PRKCZ: variants seen among roughly 807,000 people sequenced by gnomAD.
The protein encoded by PRKCZ is protein kinase C zeta, also known as protein kinase C zeta type.
Under a neutral mutation model 79.5 loss-of-function variants are expected in PRKCZ, and 33 were observed. The ratio of observed to expected loss-of-function variants is 0.41; its 90% confidence interval spans 0.31 to 0.55. The LOEUF (loss-of-function observed/expected upper bound fraction) is 0.55, where lower values mean the gene tolerates loss of function less well. Ranked by LOEUF, PRKCZ falls within the 20% of genes least tolerant of loss-of-function variation. The pLI, the probability that PRKCZ is intolerant of heterozygous loss-of-function variation, is 0.19. For synonymous variants in PRKCZ, 342 were observed against 320.9 expected, an observed-to-expected ratio of 1.07 and a Z score of -0.70; for missense variants, 578 against 813.5, an observed-to-expected ratio of 0.71 and a Z score of 3.52.
At chr1:2,112,774 C>G (rs1380962501) in intron 4 of PRKCZ, among the ~76,000 whole-genome samples, 1 of 151,802 alleles carries the variant, frequency 6.6e-6, no homozygotes, top group South Asian at 2.1e-4. Flanking sequence ...ACTGTAACCT[C>G]CACCTCCTGG....
At chr1:2,151,009 C>T (rs766510570) in intron 9 of PRKCZ, 31 bp downstream of exon 9, 2 of 1,609,524 alleles carry the variant, frequency 1.2e-6, no homozygotes, top group Non-Finnish European at 1.7e-6. Context: ...GGCCCGGGGG[C>T]CCGGGAACGC....
At chr1:2,068,073 C>G (rs577910850) in intron 4 of PRKCZ, among the ~76,000 whole-genome samples, 51 of 152,188 alleles carry the variant, frequency 3.4e-4, no homozygotes, top group Admixed American at 9.2e-4. Flanking sequence ...TGAGCCACAT[C>G]TGCTGTGAGA....
intron 9 of PRKCZ, among the ~76,000 whole-genome samples, chr1:2,154,278 C>T (rs1185839946): frequency 1.3e-5 from 2 of 151,984 alleles, no homozygotes; most frequent in African/African-American, 2.4e-5. Flanking sequence ...GTTGAGCAGC[C>T]GTCGGGGGGC....
intron 9 of PRKCZ, among the ~76,000 whole-genome samples, chr1:2,151,497 A>T (rs1334605360): frequency 6.6e-6 from 1 of 152,180 alleles, no homozygotes; most frequent in Non-Finnish European, 1.5e-5. Context: ...TGGACGGGTG[A>T]TGGGGTGGGA....
Position 2,165,466 on chromosome 1 carries a change from T to C in PRKCZ, c.975-4052T>C, listed in dbSNP as rs1175808556. 6.6e-6 allele frequency among the ~76,000 whole-genome samples: 1 copy of C among 152,070 alleles called. No individual in the cohort carries two copies. Among genetic ancestry groups the C allele is most frequent in the Non-Finnish European group, 1.5e-5 (1 of 68,036 alleles). ...ATCTGTAAAATGGCGAGAGCTGAAC[T>C]TACTTCCTGGTGATGGGGTCAAGTG... On this transcript the variant is annotated intron_variant, in intron 10 of 17. Coordinates refer to ENST00000378567, the MANE Select transcript of PRKCZ (RefSeq NM_002744.6). The surrounding 1 kb of genome is among the most constrained non-coding windows in gnomAD (Gnocchi z 4.1).
intron 7 of PRKCZ, among the ~76,000 whole-genome samples, chr1:2,146,946 C>T (rs809912): frequency 0.24 from 35,800 of 152,050 alleles, 4,850 homozygotes; most frequent in Admixed American, 0.33. Flanking sequence ...ATCCTCCACC[C>T]GCCCATTCTC....
rs189412819 is a variant in PRKCZ, at chr1:2,115,571, A to G, written c.335-19691A>G. 2.9e-3 allele frequency among the ~76,000 whole-genome samples: 439 copies of G among 152,298 alleles called. 1 individual carries two copies. The highest frequency in any genetic ancestry group is 9.9e-3 in the African/African-American group (412 of 41,574). On this transcript the variant is annotated intron_variant, in intron 4 of 17. Coordinates refer to ENST00000378567, the MANE Select transcript of PRKCZ (RefSeq NM_002744.6). ...CGCAGACCCTGCAGATGAAGGGCTCATTCCCACAAGCCTGCCCCTACTTGA... is the reference window on the plus strand; with the variant it reads ...CGCAGACCCTGCAGATGAAGGGCTCGTTCCCACAAGCCTGCCCCTACTTGA...
At chr1:2,142,577 T>C in intron 5 of PRKCZ, 1 of 253,840 alleles carries the variant, frequency 3.9e-6, no homozygotes, top group Non-Finnish European at 7.9e-6. Flanking sequence ...GGATGCCCCC[T>C]CTCACCCATC....
At chr1:2,103,905 C>T (rs1186702296) in intron 4 of PRKCZ, among the ~76,000 whole-genome samples, 2 of 152,206 alleles carry the variant, frequency 1.3e-5, no homozygotes, top group Non-Finnish European at 1.5e-5. Flanking sequence ...GTTTAAACAC[C>T]TCCTGGCCTG....
chr1:2,136,980 C>T (rs966775227), intron 5 of PRKCZ, among the ~76,000 whole-genome samples: 11 of 152,252 alleles, frequency 7.2e-5, no homozygotes, highest in Middle Eastern at 3.4e-3. Context: ...AACTGGCCCT[C>T]GGGCGCACAA....
At chr1:2,065,994 G>GA (rs1437267415) in intron 4 of PRKCZ, among the ~76,000 whole-genome samples, 1 of 152,068 alleles carries the variant, frequency 6.6e-6, no homozygotes, top group African/African-American at 2.4e-5. Flanking sequence ...TGCATCCCAT[G>GA]AAAAAATCCT....
chr1:2,115,136 TC>T (rs1177924375), intron 4 of PRKCZ, among the ~76,000 whole-genome samples: 1 of 152,254 alleles, frequency 6.6e-6, no homozygotes, highest in Non-Finnish European at 1.5e-5. Context: ...TGTCTTGGGA[TC>T]CGGGGCCATC....
At chr1:2,145,741 C>A (rs1678360246) in intron 6 of PRKCZ, among the ~76,000 whole-genome samples, 1 of 151,996 alleles carries the variant, frequency 6.6e-6, no homozygotes, top group Admixed American at 6.6e-5. Context: ...TGGTGAGACC[C>A]CATCTCTACA....
In PRKCZ at chr1:2,168,458, C is replaced by T. The variant is rs1355306377; in HGVS notation, c.975-1060C>T. Among the ~76,000 whole-genome samples, 2 of 152,190 alleles carry T rather than the reference C, an allele frequency of 1.3e-5. No individual in the cohort carries two copies. Among genetic ancestry groups the T allele is most frequent in the Non-Finnish European group, 2.9e-5 (2 of 68,040 alleles). ...CAGGGTGCCCGACTGGCCACGTGGA[C>T]GTCTCTCCAGCTCCTCACTTGGGGC... On this transcript the variant is annotated intron_variant, in intron 10 of 17. Transcript: ENST00000378567. The surrounding 1 kb of genome is among the most constrained non-coding windows in gnomAD (Gnocchi z 4.7).
chr1:2,119,722 G>A (rs1437165377), intron 4 of PRKCZ, among the ~76,000 whole-genome samples: 1 of 151,916 alleles, frequency 6.6e-6, no homozygotes, highest in African/African-American at 2.4e-5. Flanking sequence ...CCTTCTGCCT[G>A]AAGTAGTCCC....
At chr1:2,081,821 G>A (rs1479016405) in intron 4 of PRKCZ, among the ~76,000 whole-genome samples, 1 of 129,552 alleles carries the variant, frequency 7.7e-6, no homozygotes, top group Non-Finnish European at 1.6e-5. Context: ...CACCACTGCC[G>A]CCCCGCCCCC....
chr1:2,143,813 C>T, intron 5 of PRKCZ: 1 of 163,252 alleles, frequency 6.1e-6, no homozygotes. Flanking sequence ...GCAGGGGGTA[C>T]CCCCACACAC....
intron 16 of PRKCZ, chr1:2,184,182 C>T (rs866584518): frequency 8.3e-5 from 16 of 192,720 alleles, no homozygotes; most frequent in Middle Eastern, 2.3e-3. Flanking sequence ...GCAGTGCCAG[C>T]GCAGGCAGGG....
chr1:2,073,758 G>A (rs1426830436), intron 4 of PRKCZ: 2 of 1,008,146 alleles, frequency 2.0e-6, no homozygotes, highest in African/African-American at 1.7e-5. Context: ...CAGGACAGCC[G>A]GCCTTCCGTT....
Sources: allele counts gnomAD v4.1 joint callset (sites outside exome capture counted in the v4.1 genomes callset), GRCh38; gene constraint gnomAD v4.1.1; non-coding constraint Gnocchi (gnomAD v3.1); transcripts MANE v1.5; gene names NCBI Gene and HGNC (gene_info 2026-07-23, HGNC 2026-07-21).